Variants in MALAT1 observed in about 807,000 individuals in gnomAD.
MALAT1 encodes hepcarcin.
exon 3 of MALAT1, chr11:65,499,016 A>C (rs567584153): frequency 5.8e-6 from 3 of 518,784 alleles, no homozygotes; most frequent in East Asian, 5.4e-5. Context: ...TTCTCCGTCT[A>C]TAAATACGCC....
intron 3 of MALAT1, chr11:65,505,936 G>C (rs759204177): frequency 2.3e-6 from 1 of 435,864 alleles, no homozygotes; most frequent in Non-Finnish European, 4.5e-6. Context: ...AAAATTCTCT[G>C]CTAAGACTTT....
chr11:65,499,242 T>C (rs1565674310), exon 3 of MALAT1: 2 of 505,342 alleles, frequency 4.0e-6, no homozygotes, highest in East Asian at 1.1e-4. Context: ...TAAGAGAAAA[T>C]ATGAAGACTT....
exon 3 of MALAT1, chr11:65,503,272 A>G (rs750664653): frequency 5.8e-6 from 3 of 517,262 alleles, no homozygotes; most frequent in African/African-American, 3.9e-5. Context: ...TTAAATATCA[A>G]CCATGGCACT....
At chr11:65,499,959 GC>G (rs778717311) in exon 3 of MALAT1, 7 of 429,214 alleles carry the variant, frequency 1.6e-5, no homozygotes, top group Non-Finnish European at 1.4e-5. Context: ...AAAATATAAA[GC>G]CAAAAATTGG....
chr11:65,499,507 C>G (rs933787562), exon 3 of MALAT1: 3 of 464,392 alleles, frequency 6.5e-6, no homozygotes, highest in South Asian at 1.6e-5. Context: ...AGAGATTAAA[C>G]CGAAGGTGAT....
chr11:65,498,279 C>T (rs1254359385), intron 1 of MALAT1: 3 of 518,584 alleles, frequency 5.8e-6, no homozygotes, highest in Non-Finnish European at 1.2e-5. Flanking sequence ...CTTGTGAGCA[C>T]TTTCAGGAGA....
chr11:65,504,826 T>A (rs1324683986), intron 3 of MALAT1: 1 of 518,970 alleles, frequency 1.9e-6, no homozygotes, highest in Non-Finnish European at 3.8e-6. Flanking sequence ...GCAGGAACAC[T>A]CAGCAGACAC....
chr11:65,502,689 C>T (rs1854577848), exon 3 of MALAT1: 1 of 504,870 alleles, frequency 2.0e-6, no homozygotes, highest in African/African-American at 2.0e-5. Flanking sequence ...AGTATGATGG[C>T]CTAGATGCAG....
At chr11:65,501,823 C>T (rs1215349662) in exon 3 of MALAT1, 1 of 517,822 alleles carries the variant, frequency 1.9e-6, no homozygotes, top group Non-Finnish European at 3.9e-6. Flanking sequence ...AATGTGACTT[C>T]TTAAAAGTTT....
chr11:65,505,721 T>G, intron 3 of MALAT1: 1 of 519,028 alleles, frequency 1.9e-6, no homozygotes. Flanking sequence ...GCCATTAATT[T>G]GCCTGCAAAT....
In MALAT1 at chr11:65,499,280, T is replaced by TA. The variant is rs781110730; in HGVS notation, n.547dup. On this transcript the variant is annotated non_coding_transcript_exon_variant, in exon 3 of 4. Transcript: ENST00000619449. ...AAGAGTAGCATGAGGAAGGAAAAGA[T>TA]AAAAGGTTTCTAAAACATGACGGAG... is the stretch of plus-strand genomic sequence containing the variant. 1.9e-5 allele frequency: 10 copies of TA among 513,688 alleles called. No individual in the cohort carries two copies. The East Asian group carries it at 4.4e-4, about 22-fold the overall frequency. The allele number at this position is 513,688 out of a possible 1,614,324, so 31.8% of individuals were successfully genotyped here. A position where few individuals can be genotyped will look rare whatever the true frequency, so the allele number is the denominator to read the frequency against.
downstream of MALAT1, chr11:65,506,515 A>C (rs776552973): frequency 1.5e-5 from 4 of 268,076 alleles, no homozygotes; most frequent in African/African-American, 9.3e-5. Context: ...TTGGGGAAAA[A>C]AGATGGGTGT....
exon 3 of MALAT1, chr11:65,500,395 C>A (rs750588513): frequency 1.9e-6 from 1 of 518,750 alleles, no homozygotes; most frequent in South Asian, 1.4e-5. Flanking sequence ...GACAGCTGAC[C>A]CAGGTGCTAC....
intron 3 of MALAT1, chr11:65,505,389 T>A: frequency 1.9e-6 from 1 of 516,730 alleles, no homozygotes; most frequent in Non-Finnish European, 3.9e-6. Context: ...CCCCTGGGCT[T>A]CTCTTAACAT....
chr11:65,503,030 T>C (rs1854589756), exon 3 of MALAT1: 1 of 505,972 alleles, frequency 2.0e-6, no homozygotes, highest in Non-Finnish European at 3.9e-6. Context: ...AATCCTGGAA[T>C]AAAAGAAGCC....
At chr11:65,499,976 A>G (rs548066092) in exon 3 of MALAT1, 2 of 428,892 alleles carry the variant, frequency 4.7e-6, no homozygotes, top group East Asian at 7.0e-5. Flanking sequence ...ATTGGATAAA[A>G]TAGCACTGAA....
chr11:65,498,283 C>G (rs763611129), intron 1 of MALAT1: 1 of 518,674 alleles, frequency 1.9e-6, no homozygotes, highest in East Asian at 5.4e-5. Flanking sequence ...TGAGCACTTT[C>G]AGGAGAGCCT....
chr11:65,502,205 T>C (rs758838413), exon 3 of MALAT1: 1 of 518,994 alleles, frequency 1.9e-6, no homozygotes, highest in East Asian at 5.4e-5. Flanking sequence ...TCTGGCCTAC[T>C]GGGCTGACAT....
intron 3 of MALAT1, chr11:65,505,437 A>C (rs780207726): frequency 5.9e-6 from 3 of 512,346 alleles, no homozygotes; most frequent in South Asian, 4.2e-5. Flanking sequence ...TTAATAATAA[A>C]GCCCAAATCT....
Sources: allele counts gnomAD v4.1 joint callset, GRCh38; gene constraint gnomAD v4.1.1; transcripts MANE v1.5; gene names NCBI Gene and HGNC (gene_info 2026-07-23, HGNC 2026-07-21).